The following DIP2B variants were observed in gnomAD, a reference collection of about 807,000 sequenced individuals.
DIP2B encodes the protein DIP2 acetate--CoA ligase B (putative), also known as disco-interacting protein 2 homolog B.
Under a neutral mutation model 198.0 loss-of-function variants are expected in DIP2B, and 76 were observed. That is an observed-to-expected ratio of 0.38 (90% CI 0.32 to 0.46). The LOEUF is 0.46. DIP2B is among the 20% of genes least tolerant of loss of function. The pLI, the probability that DIP2B is intolerant of heterozygous loss-of-function variation, is 0.99. For missense variants in DIP2B, 1,559 were observed against 1,978.4 expected (o/e 0.79, Z 4.02); for synonymous variants, 701 against 739.1 (o/e 0.95, Z 0.84).
At chr12:50,627,390 GTGGTGCGATCA>G (rs1386261660) in intron 2 of DIP2B, among the ~76,000 whole-genome samples, 2 of 152,154 alleles carry the variant, frequency 1.3e-5, no homozygotes, top group Non-Finnish European at 2.9e-5. Context: ...CGGGAGCGCA[GTGGTGCGATCA>G]TGGTTCACTA....
chr12:50,694,880 A>G (rs1282811618), intron 14 of DIP2B, among the ~76,000 whole-genome samples: 1 of 151,442 alleles, frequency 6.6e-6, no homozygotes, highest in Non-Finnish European at 1.5e-5. Flanking sequence ...TAGATCTCTT[A>G]TACTGATATG....
chr12:50,661,512 A>G (rs1938647133), intron 4 of DIP2B, among the ~76,000 whole-genome samples: 1 of 152,142 alleles, frequency 6.6e-6, no homozygotes, highest in Non-Finnish European at 1.5e-5. Flanking sequence ...TGGTGTCAAC[A>G]TGTTTGAAAG....
rs907288421 is a variant in DIP2B at position 50,580,205 on chromosome 12, G to T, written c.101-45771G>T. On this transcript the variant is annotated intron_variant, in intron 1 of 37. Coordinates refer to ENST00000301180, the MANE Select transcript of DIP2B (RefSeq NM_173602.3). ...GCTCCAGGACAGGAGAGACTCTTAG[G>T]CTAAAAAGGGCCCTCCAGAGGTCTC... is the stretch of plus-strand genomic sequence containing the variant. Among the ~76,000 whole-genome samples, 3 of 148,742 alleles carry T rather than the reference G, an allele frequency of 2.0e-5. 1 individual carries two copies. The highest frequency in any genetic ancestry group is 7.4e-5 in the African/African-American group (3 of 40,676).
At chr12:50,723,368 C>T (rs371604493) in intron 27 of DIP2B, 45 bp downstream of exon 27, 3 of 1,607,078 alleles carry the variant, frequency 1.9e-6, no homozygotes, top group Admixed American at 1.7e-5. Context: ...TCCTAAAATC[C>T]AGATTCAGAC....
intron 14 of DIP2B, among the ~76,000 whole-genome samples, chr12:50,694,003 A>G (rs1226412230): frequency 6.6e-6 from 1 of 151,794 alleles, no homozygotes; most frequent in East Asian, 1.9e-4. Flanking sequence ...AAATTGCATG[A>G]CCCCTCAACA....
At chr12:50,507,420 T>C (rs1335285142) in intron 1 of DIP2B, among the ~76,000 whole-genome samples, 3 of 152,228 alleles carry the variant, frequency 2.0e-5, no homozygotes, top group Non-Finnish European at 4.4e-5. Context: ...AAAGTCCCCA[T>C]ATCTGTGTAG....
chr12:50,602,976 T>A (rs1958951135), intron 1 of DIP2B, among the ~76,000 whole-genome samples: 2 of 150,702 alleles, frequency 1.3e-5, no homozygotes, highest in Non-Finnish European at 1.5e-5. Context: ...CATCCTGGCA[T>A]ACACGGTGAA....
chr12:50,702,477 T>A (rs533611440), intron 19 of DIP2B, among the ~76,000 whole-genome samples: 45 of 149,674 alleles, frequency 3.0e-4, no homozygotes, highest in Non-Finnish European at 4.5e-4. Context: ...CAGGAGAATC[T>A]CTGGAACCCG....
At chr12:50,731,006 C>T (rs889722912) in intron 30 of DIP2B, among the ~76,000 whole-genome samples, 6 of 152,262 alleles carry the variant, frequency 3.9e-5, no homozygotes, top group African/African-American at 1.4e-4. Context: ...GAATAAAATC[C>T]AGTCCACACA....
chr12:50,535,621 T>C (rs562321687), intron 1 of DIP2B, among the ~76,000 whole-genome samples: 1 of 152,072 alleles, frequency 6.6e-6, no homozygotes, highest in South Asian at 2.1e-4. Flanking sequence ...TCCTCCTGCC[T>C]CGGTCTCCCA....
intron 6 of DIP2B, among the ~76,000 whole-genome samples, chr12:50,675,047 C>T (rs1202860206): frequency 6.6e-6 from 1 of 152,122 alleles, no homozygotes; most frequent in African/African-American, 2.4e-5. Flanking sequence ...CAAGATGGCG[C>T]CACTGCACTC....
chr12:50,655,118 C>A, intron 3 of DIP2B: 1 of 402,892 alleles, frequency 2.5e-6, no homozygotes, highest in South Asian at 1.8e-5. Flanking sequence ...ATATTAGAAA[C>A]ATCTACATGC....
In DIP2B at chr12:50,691,091, T is replaced by A. The variant is rs757485862; in HGVS notation, c.1594T>A (p.Ser532Thr). The A allele has an allele frequency of 4.8e-5, 77 of 1,614,012 alleles. No homozygotes were observed. Among genetic ancestry groups the A allele is most frequent in the Non-Finnish European group, 6.4e-5 (75 of 1,180,024 alleles). Residue 532 changes from serine (S) to threonine (T), a missense_variant, in exon 13 of 38, where the codon TCC becomes ACC. Ser to Thr is a moderately conservative substitution (Grantham distance 58). Coordinates refer to ENST00000301180, the MANE Select transcript of DIP2B (RefSeq NM_173602.3). ...AGGGAGTGTAATGGGAGTTACAGTA[T>A]CCCGGCTTGCAATGTTGTCTCACTG... is the stretch of plus-strand genomic sequence containing the variant. ...KEGSVMGVTV[S>T]RLAMLSHCQA...
At chr12:50,702,693 A>T (rs1939440830) in intron 19 of DIP2B, among the ~76,000 whole-genome samples, 3 of 129,002 alleles carry the variant, frequency 2.3e-5, no homozygotes, top group Admixed American at 9.6e-5. Flanking sequence ...GTGACTAGCC[A>T]CTGCATTCCA....
intron 1 of DIP2B, among the ~76,000 whole-genome samples, chr12:50,540,345 G>GT (rs1316168411): frequency 1.3e-5 from 2 of 151,288 alleles, no homozygotes; most frequent in East Asian, 3.9e-4. Flanking sequence ...TCCTGACCTC[G>GT]TGATCCACGT....
At chr12:50,589,028 C>CA (rs1488665581) in intron 1 of DIP2B, among the ~76,000 whole-genome samples, 182 of 151,490 alleles carry the variant, frequency 1.2e-3, no homozygotes, top group African/African-American at 4.1e-3. Flanking sequence ...ACTAAAAATA[C>CA]AAAAAATTAG....
At chr12:50,607,669 A>AGTGGTT (rs1257643350) in intron 1 of DIP2B, among the ~76,000 whole-genome samples, 1 of 152,196 alleles carries the variant, frequency 6.6e-6, no homozygotes, top group Non-Finnish European at 1.5e-5. Context: ...GCAAAAGCAG[A>AGTGGTT]GTGGTTGAAG....
intron 1 of DIP2B, among the ~76,000 whole-genome samples, chr12:50,575,796 C>T (rs1440771401): frequency 6.6e-6 from 1 of 152,054 alleles, no homozygotes; most frequent in Admixed American, 6.6e-5. Context: ...CTTGCTTTGT[C>T]GCCCAGGCTG....
chr12:50,681,570 G>A (rs1020440361), intron 9 of DIP2B, among the ~76,000 whole-genome samples: 3 of 152,040 alleles, frequency 2.0e-5, no homozygotes, highest in Non-Finnish European at 4.4e-5. Context: ...AATTTGAGGG[G>A]ACATTATACT....
Sources: allele counts gnomAD v4.1 joint callset (sites outside exome capture counted in the v4.1 genomes callset), GRCh38; gene constraint gnomAD v4.1.1; transcripts MANE v1.5; gene names NCBI Gene and HGNC (gene_info 2026-07-23, HGNC 2026-07-21).